BBS9: variants seen among roughly 807,000 people sequenced by gnomAD.
BBS9 encodes the protein protein PTHB1.
A neutral mutation model predicts 117.7 loss-of-function variants in BBS9; 89 were observed. The observed-to-expected ratio is 0.76, with a 90% CI of 0.64 to 0.90. BBS9 has a LOEUF of 0.90. Ranked by LOEUF, BBS9 falls within the 40% of genes least tolerant of loss-of-function variation. The pLI is 0.00. For missense variants in BBS9, 982 were observed against 1,042.2 expected, an observed-to-expected ratio of 0.94 and a Z score of 0.80; for synonymous variants, 379 against 370.9, an observed-to-expected ratio of 1.02 and a Z score of -0.25.
intron 9 of BBS9, among the ~76,000 whole-genome samples, chr7:33,332,417 G>A (rs1335144054): frequency 6.6e-6 from 1 of 152,172 alleles, no homozygotes; most frequent in Non-Finnish European, 1.5e-5. Flanking sequence ...TGGGGCTCAC[G>A]CCTGTAATCC....
chr7:33,498,532 C>A (rs897534118), intron 19 of BBS9, among the ~76,000 whole-genome samples: 1 of 152,122 alleles, frequency 6.6e-6, no homozygotes, highest in Non-Finnish European at 1.5e-5. Flanking sequence ...CCACCCCCAG[C>A]CCTAAGCAAC....
At chr7:33,586,869 AG>A (rs1860987818) in intron 21 of BBS9, among the ~76,000 whole-genome samples, 1 of 152,100 alleles carries the variant, frequency 6.6e-6, no homozygotes, top group Non-Finnish European at 1.5e-5. Flanking sequence ...TCATAAACAT[AG>A]AATCAATAGA....
At chr7:33,402,874 G>A (rs1286779543) in intron 19 of BBS9, among the ~76,000 whole-genome samples, 4 of 151,754 alleles carry the variant, frequency 2.6e-5, no homozygotes, top group Non-Finnish European at 5.9e-5. Context: ...TATCGCTCCA[G>A]TGTCTGTTGT....
chr7:33,499,229 CACTT>C (rs1394582531), intron 19 of BBS9, among the ~76,000 whole-genome samples: 63 of 152,292 alleles, frequency 4.1e-4, no homozygotes, highest in Admixed American at 4.1e-3. Context: ...TTGAATCAGA[CACTT>C]ACAGCTATGT....
intron 9 of BBS9, among the ~76,000 whole-genome samples, chr7:33,332,800 T>G (rs1814411512): frequency 1.3e-5 from 2 of 152,190 alleles, no homozygotes; most frequent in Admixed American, 6.5e-5. Context: ...TTTTTGAAAT[T>G]TATTCATTCA....
intron 19 of BBS9, among the ~76,000 whole-genome samples, chr7:33,490,447 A>G (rs1334893516): frequency 6.6e-6 from 1 of 152,102 alleles, no homozygotes; most frequent in African/African-American, 2.4e-5. Flanking sequence ...TTTTTGTTTA[A>G]TTCTCATCTG....
At chr7:33,313,670 T>C (rs566005913) in intron 9 of BBS9, among the ~76,000 whole-genome samples, 2 of 152,232 alleles carry the variant, frequency 1.3e-5, no homozygotes, top group Non-Finnish European at 2.9e-5. Context: ...TGCAGAATTC[T>C]TGCTGCTTTG....
intron 9 of BBS9, among the ~76,000 whole-genome samples, chr7:33,298,483 A>C (rs1805725985): frequency 6.6e-6 from 1 of 152,192 alleles, no homozygotes; most frequent in Non-Finnish European, 1.5e-5. Context: ...CAATATGCCC[A>C]CTTTTAACAA....
Position 33,380,471 on chromosome 7 carries a change from G to A in BBS9, c.1790-3195G>A, listed in dbSNP as rs368428861. 26 of 153,272 alleles carry A rather than the reference G, an allele frequency of 1.7e-4. No homozygotes were observed. The East Asian group carries it at 4.6e-3, about 27-fold the overall frequency. 9.5% of individuals were successfully genotyped at this position (153,272 alleles called of 1,614,324 possible). ...CCTTGGACAAGACCTGTTCCTTGCT[G>A]CAAAGGGTGTAGTGGGAGGATATGG... On this transcript the variant is annotated intron_variant, in intron 17 of 22. Coordinates refer to ENST00000242067, the MANE Select transcript of BBS9 (RefSeq NM_198428.3).
chr7:33,385,460 T>C (rs116430446), intron 18 of BBS9, among the ~76,000 whole-genome samples: 346 of 152,338 alleles, frequency 2.3e-3, no homozygotes, highest in African/African-American at 8.2e-3. Flanking sequence ...TTGTCTGTAT[T>C]ATTCATTGCT....
At chr7:33,517,183 A>G (rs534535558) in intron 20 of BBS9, among the ~76,000 whole-genome samples, 3 of 152,404 alleles carry the variant, frequency 2.0e-5, no homozygotes, top group East Asian at 3.9e-4. Flanking sequence ...CCAAAGGAAT[A>G]TAAGAAAATT....
At chr7:33,262,242 C>T (rs1453110590) in intron 6 of BBS9, among the ~76,000 whole-genome samples, 7 of 151,958 alleles carry the variant, frequency 4.6e-5, no homozygotes, top group South Asian at 2.1e-4. Context: ...TTAATAAGGC[C>T]GCTTTAGGGG....
intron 19 of BBS9, among the ~76,000 whole-genome samples, chr7:33,467,580 C>T (rs1230280669): frequency 4.1e-5 from 6 of 147,424 alleles, no homozygotes; most frequent in African/African-American, 1.6e-4. Context: ...CCGCCACCTC[C>T]ACTATTGTAG....
At chr7:33,226,819 A>T (rs1791372584) in intron 5 of BBS9, among the ~76,000 whole-genome samples, 1 of 152,224 alleles carries the variant, frequency 6.6e-6, no homozygotes, top group Non-Finnish European at 1.5e-5. Flanking sequence ...TTCTTTTTAC[A>T]TAAGGTTCTT....
At chr7:33,159,161 A>G (rs1180325452) in intron 4 of BBS9, among the ~76,000 whole-genome samples, 1 of 152,158 alleles carries the variant, frequency 6.6e-6, no homozygotes. Context: ...AGATGTAAGG[A>G]GGCAGCTTTA....
intron 21 of BBS9, among the ~76,000 whole-genome samples, chr7:33,560,135 T>G (rs1022640285): frequency 9.8e-5 from 15 of 152,286 alleles, no homozygotes; most frequent in African/African-American, 3.6e-4. Context: ...GGATAGTGCA[T>G]GTGTTTTGTG....
At chr7:33,507,397 T>A (rs1043028150) in intron 20 of BBS9, among the ~76,000 whole-genome samples, 12 of 152,054 alleles carry the variant, frequency 7.9e-5, no homozygotes, top group Non-Finnish European at 1.6e-4. Flanking sequence ...CGTGCCACCA[T>A]GCCTAACTAA....
chr7:33,364,334 GT>G (rs1375521723), intron 16 of BBS9, among the ~76,000 whole-genome samples: 1 of 151,918 alleles, frequency 6.6e-6, no homozygotes, highest in Non-Finnish European at 1.5e-5. Flanking sequence ...TTGTAATTTA[GT>G]TTTTTTCTAC....
At chr7:33,459,932 G>A (rs1839210158) in intron 19 of BBS9, among the ~76,000 whole-genome samples, 2 of 152,026 alleles carry the variant, frequency 1.3e-5, no homozygotes, top group Non-Finnish European at 2.9e-5. Flanking sequence ...AAGTAATATT[G>A]AAATTCAAAA....
Sources: allele counts gnomAD v4.1 joint callset (sites outside exome capture counted in the v4.1 genomes callset), GRCh38; gene constraint gnomAD v4.1.1; transcripts MANE v1.5; gene names NCBI Gene and HGNC (gene_info 2026-07-23, HGNC 2026-07-21).